The following RALGAPA2 variants were observed in gnomAD, a reference collection of about 807,000 sequenced individuals.
RALGAPA2 encodes the protein Ral GTPase activating protein catalytic subunit alpha 2.
A neutral mutation model predicts 230.4 loss-of-function variants in RALGAPA2; 139 were observed. The observed-to-expected ratio is 0.60, with a 90% confidence interval of 0.53 to 0.69. The LOEUF (loss-of-function observed/expected upper bound fraction) is 0.69. RALGAPA2 is among the 30% of genes least tolerant of loss of function. The pLI is 0.00. For synonymous variants in RALGAPA2, 847 were observed against 837.8 expected, an observed-to-expected ratio of 1.01 and a Z score of -0.19; for missense variants, 2,163 against 2,276.0, an observed-to-expected ratio of 0.95 and a Z score of 1.01.
intron 37 of RALGAPA2, among the ~76,000 whole-genome samples, chr20:20,468,882 C>G (rs1478929547): frequency 2.0e-5 from 3 of 152,086 alleles, no homozygotes; most frequent in Non-Finnish European, 4.4e-5. Context: ...TTCGACGAGA[C>G]CCCTGCTCTC....
intron 36 of RALGAPA2, among the ~76,000 whole-genome samples, chr20:20,479,388 C>T (rs2061722702): frequency 6.6e-6 from 1 of 151,980 alleles, no homozygotes; most frequent in African/African-American, 2.4e-5. Flanking sequence ...ATACAAAAAC[C>T]CTAACAAAAT....
chr20:20,467,988 T>G (rs2061456951), intron 37 of RALGAPA2, among the ~76,000 whole-genome samples: 1 of 152,226 alleles, frequency 6.6e-6, no homozygotes. Context: ...CCCAAGTGTC[T>G]AGGGTACAGG....
At chr20:20,500,870 G>T (rs2062354194) in intron 35 of RALGAPA2, among the ~76,000 whole-genome samples, 1 of 152,230 alleles carries the variant, frequency 6.6e-6, no homozygotes, top group African/African-American at 2.4e-5. Flanking sequence ...TATGGATATT[G>T]TGTTAGCAGG....
chr20:20,589,165 A>C (rs1602962708), intron 18 of RALGAPA2, 103 bp downstream of exon 18: 3 of 1,407,090 alleles, frequency 2.1e-6, no homozygotes, highest in Non-Finnish European at 2.8e-6. Flanking sequence ...GTCTAAATGG[A>C]AAAAAATATT....
chr20:20,606,565 T>A (rs888689216), intron 14 of RALGAPA2, among the ~76,000 whole-genome samples: 1 of 152,138 alleles, frequency 6.6e-6, no homozygotes, highest in African/African-American at 2.4e-5. Flanking sequence ...TGTTTCTGTA[T>A]AACTCCCCCT....
chr20:20,513,140 T>A lies in RALGAPA2; in HGVS notation c.4229A>T (p.His1410Leu). 1 of 1,563,450 alleles carries A rather than the reference T, an allele frequency of 6.4e-7. No individual in the cohort carries two copies. Among genetic ancestry groups the A allele is most frequent in the Non-Finnish European group, 8.6e-7 (1 of 1,158,316 alleles). ...AAAGGACAGCTCGGAGCCTTCCACA[T>A]GGGCATTGTCATGGTTCTCGCTGAC... ...SLVSENHDNAHVEGSELSFEV... is the reference protein window; with the variant it reads ...SLVSENHDNALVEGSELSFEV... The change falls in exon 32 of 40, where the codon CAT (histidine) becomes CTT (leucine). Residue 1410 changes from histidine (H) to leucine (L), a missense_variant. His to Leu is a moderately conservative substitution (Grantham distance 99, BLOSUM62 -3). Transcript: ENST00000202677.
intron 37 of RALGAPA2, among the ~76,000 whole-genome samples, chr20:20,441,537 G>T (rs890108438): frequency 1.3e-5 from 2 of 152,184 alleles, no homozygotes; most frequent in African/African-American, 4.8e-5. Context: ...CCCTTCAGTC[G>T]TCAGTCATCC....
intron 37 of RALGAPA2, among the ~76,000 whole-genome samples, chr20:20,459,333 T>C (rs2061246158): frequency 1.3e-5 from 2 of 152,292 alleles, no homozygotes; most frequent in African/African-American, 2.4e-5. Context: ...CTATACTTTA[T>C]GTCATAATGT....
At chr20:20,447,326 T>C (rs1228997740) in intron 37 of RALGAPA2, among the ~76,000 whole-genome samples, 1 of 152,100 alleles carries the variant, frequency 6.6e-6, no homozygotes, top group Non-Finnish European at 1.5e-5. Context: ...CTGCATACAA[T>C]AAACAAAAAT....
At chr20:20,544,017 A>C (rs1208545859) in intron 24 of RALGAPA2, among the ~76,000 whole-genome samples, 1 of 152,146 alleles carries the variant, frequency 6.6e-6, no homozygotes, top group African/African-American at 2.4e-5. Flanking sequence ...AAGAAGACTT[A>C]TGTGGCCAAC....
intron 37 of RALGAPA2, among the ~76,000 whole-genome samples, chr20:20,439,232 A>G (rs904313248): frequency 6.7e-6 from 1 of 148,954 alleles, no homozygotes; most frequent in Non-Finnish European, 1.5e-5. Flanking sequence ...TTTTTTTTTG[A>G]GACAGGGTCT....
chr20:20,591,833 G>A lies in RALGAPA2; in HGVS notation c.2204-519C>T, dbSNP rs79522679. 6.2e-4 allele frequency among the ~76,000 whole-genome samples: 94 copies of A among 152,242 alleles called. 2 individuals carry two copies. In the East Asian group the frequency reaches 0.013, roughly 22 times the overall value. On this transcript the variant is annotated intron_variant, in intron 16 of 39. Coordinates refer to ENST00000202677, the MANE Select transcript of RALGAPA2 (RefSeq NM_020343.4). ...TATGTAATGGCTTATTTCATCAAATGCAATGCTGAATTATTCTCTAAAGTA... is the reference window on the plus strand; with the variant it reads ...TATGTAATGGCTTATTTCATCAAATACAATGCTGAATTATTCTCTAAAGTA...
chr20:20,677,464 A>G (rs144516625), intron 2 of RALGAPA2, among the ~76,000 whole-genome samples: 1 of 151,954 alleles, frequency 6.6e-6, no homozygotes, highest in Admixed American at 6.6e-5. Flanking sequence ...AAACAGTCAG[A>G]GGCCCTTAAG....
chr20:20,636,632 A>T (rs1269939139), intron 8 of RALGAPA2, among the ~76,000 whole-genome samples: 1 of 151,974 alleles, frequency 6.6e-6, no homozygotes, highest in Non-Finnish European at 1.5e-5. Context: ...TCAGGTGACC[A>T]TGTTCCCCAA....
chr20:20,614,100 T>G (rs2066061559), intron 13 of RALGAPA2, among the ~76,000 whole-genome samples: 1 of 151,698 alleles, frequency 6.6e-6, no homozygotes, highest in African/African-American at 2.4e-5. Flanking sequence ...GAAGAAGGAG[T>G]GAAGAAGGAA....
chr20:20,708,660 C>T (rs902262988), intron 1 of RALGAPA2, among the ~76,000 whole-genome samples: 1 of 152,172 alleles, frequency 6.6e-6, no homozygotes, highest in African/African-American at 2.4e-5. Context: ...TCTTTATTAG[C>T]AGAGTGAGAA....
intron 37 of RALGAPA2, among the ~76,000 whole-genome samples, chr20:20,459,301 C>T (rs2061245366): frequency 6.6e-6 from 1 of 152,006 alleles, no homozygotes; most frequent in African/African-American, 2.4e-5. Context: ...TTATTGCATC[C>T]TTTAAAAATT....
chr20:20,492,977 T>C (rs1393879532), intron 36 of RALGAPA2, among the ~76,000 whole-genome samples: 3 of 152,194 alleles, frequency 2.0e-5, no homozygotes, highest in Admixed American at 6.5e-5. Context: ...TCTTATATAA[T>C]GAAGCTATTA....
chr20:20,637,188 T>C (rs565087189), intron 8 of RALGAPA2, among the ~76,000 whole-genome samples, 175 bp downstream of exon 8: 5 of 152,218 alleles, frequency 3.3e-5, no homozygotes, highest in African/African-American at 4.8e-5. Flanking sequence ...ATATCTTAGT[T>C]GGTACAAATA....
Sources: gnomAD v4.1 joint callset for allele counts (sites outside exome capture counted in the v4.1 genomes callset) on GRCh38, gnomAD v4.1.1 for gene constraint, MANE v1.5 for transcripts, NCBI Gene and HGNC (gene_info 2026-07-23, HGNC 2026-07-21) for gene names.